SPTBN1: variants seen among roughly 807,000 people sequenced by gnomAD.
The protein encoded by SPTBN1 is spectrin beta chain, non-erythrocytic 1.
SPTBN1 carries 32 observed loss-of-function variants against 266.4 expected under a neutral mutation model. The ratio of observed to expected loss-of-function variants is 0.12; its 90% confidence interval spans 0.09 to 0.16. The LOEUF is 0.16. Ranked by LOEUF, SPTBN1 falls within the 10% of genes least tolerant of loss-of-function variation. The pLI, the probability that SPTBN1 is intolerant of heterozygous loss-of-function variation, is 1.00. For missense variants in SPTBN1, 2,296 were observed against 3,067.1 expected (o/e 0.75, Z 5.94); for synonymous variants, 1,336 against 1,162.2 (o/e 1.15, Z -3.04).
chr2:54,474,358 G>T (rs987730970), intron 1 of SPTBN1, among the ~76,000 whole-genome samples: 8 of 150,650 alleles, frequency 5.3e-5, no homozygotes, highest in Non-Finnish European at 4.4e-5. Flanking sequence ...ACAGTGTGTA[G>T]TTAAAAGTGC....
chr2:54,518,604 C>A (rs1268421397), intron 1 of SPTBN1, among the ~76,000 whole-genome samples: 1 of 152,096 alleles, frequency 6.6e-6, no homozygotes, highest in Non-Finnish European at 1.5e-5. Context: ...GATAGCATAC[C>A]AGCATCCAGT....
At chr2:54,562,533 C>CTTTTTTTCTTTTTTTTTTTTTTTTTTTTT (rs746897447) in intron 2 of SPTBN1, among the ~76,000 whole-genome samples, 34 of 126,810 alleles carry the variant, frequency 2.7e-4, no homozygotes, top group East Asian at 4.2e-4. Flanking sequence ...TTTTCTTTTT[C>CTTTTTTTCTTTTTTTTTTTTTTTTTTTTT]TTTTTTTTTT....
intron 1 of SPTBN1, among the ~76,000 whole-genome samples, chr2:54,461,796 C>A (rs955287268): frequency 3.9e-5 from 6 of 152,186 alleles, no homozygotes; most frequent in African/African-American, 1.4e-4. Context: ...ATGTAGATTA[C>A]TACTAATCCT....
intron 18 of SPTBN1, among the ~76,000 whole-genome samples, chr2:54,641,032 G>C (rs924059788): frequency 2.6e-5 from 4 of 152,208 alleles, no homozygotes; most frequent in Non-Finnish European, 4.4e-5. Context: ...TTTACTGTTA[G>C]CTTGATTCAA....
intron 2 of SPTBN1, among the ~76,000 whole-genome samples, chr2:54,531,505 C>T: frequency 6.6e-6 from 1 of 152,046 alleles, no homozygotes; most frequent in East Asian, 1.9e-4. Flanking sequence ...CTAACTACAG[C>T]CTTGAATTCC....
Position 54,628,008 on chromosome 2 carries a change from T to C in SPTBN1, c.1645-89T>C. 6.8e-7 allele frequency: 1 copy of C among 1,475,254 alleles called. No individual in the cohort carries two copies. Among genetic ancestry groups the C allele is most frequent in the Non-Finnish European group, 9.1e-7 (1 of 1,096,764 alleles). The allele number at this position is 1,475,254 out of a possible 1,614,324, so 91.4% of individuals were successfully genotyped here. ...AGACTAGAGGGAAGGCATAGCTTCA[T>C]TGCTGGCTCTCTGCTTGTCGAAAGA... On this transcript the variant is annotated intron_variant, in intron 12 of 35. Coordinates refer to ENST00000356805, the MANE Select transcript of SPTBN1 (RefSeq NM_003128.3). The surrounding 1 kb of genome is among the most constrained non-coding windows in gnomAD (Gnocchi z 4.3).
chr2:54,539,901 T>C (rs560230518), intron 2 of SPTBN1, among the ~76,000 whole-genome samples: 1 of 152,316 alleles, frequency 6.6e-6, no homozygotes, highest in African/African-American at 2.4e-5. Flanking sequence ...CTCAAACTCA[T>C]ATGGTGAAAT....
chr2:54,478,559 C>T (rs928403982), intron 1 of SPTBN1, among the ~76,000 whole-genome samples: 13 of 152,140 alleles, frequency 8.5e-5, no homozygotes, highest in African/African-American at 1.2e-4. Flanking sequence ...GAGTCCAGAG[C>T]TCCGAGAGGC....
At chr2:54,509,676 G>T (rs1438232053) in intron 1 of SPTBN1, among the ~76,000 whole-genome samples, 1 of 152,300 alleles carries the variant, frequency 6.6e-6, no homozygotes, top group East Asian at 1.9e-4. Flanking sequence ...GAGTTTAATG[G>T]CACAGAAGGC....
Position 54,558,795 on chromosome 2 carries a change from C to G in SPTBN1, c.148+32229C>G. ...CCGGGCATAATGGAATTGCAGAGGA[C>G]GTCTAGTATCTCCGGGCCGCTGTCG... On this transcript the variant is annotated intron_variant, in intron 2 of 35. Coordinates refer to ENST00000356805, the MANE Select transcript of SPTBN1 (RefSeq NM_003128.3). This position sits in a 1 kb window ranked among gnomAD's most constrained non-coding sequence, Gnocchi z 4.6. 6.2e-7 allele frequency: 1 copy of G among 1,613,546 alleles called. No homozygotes were observed. Among genetic ancestry groups the G allele is most frequent in the Non-Finnish European group, 8.5e-7 (1 of 1,179,686 alleles).
At chr2:54,508,306 A>G (rs563675179) in intron 1 of SPTBN1, among the ~76,000 whole-genome samples, 19 of 152,340 alleles carry the variant, frequency 1.2e-4, no homozygotes, top group African/African-American at 3.8e-4. Flanking sequence ...GTCTACCCAG[A>G]CCAAGAGGTA....
rs1491300403 is a variant in SPTBN1 at position 54,533,349 on chromosome 2, A to ATGT, written c.148+6783_148+6784insTGT. 2.1e-5 allele frequency among the ~76,000 whole-genome samples: 3 copies of ATGT among 141,884 alleles called. No homozygotes were observed. The highest frequency in any genetic ancestry group is 8.0e-5 in the African/African-American group (3 of 37,702). 93.1% of individuals were successfully genotyped at this position (141,884 alleles called of 152,430 possible). On this transcript the variant is annotated intron_variant, in intron 2 of 35. Coordinates refer to ENST00000356805, the MANE Select transcript of SPTBN1 (RefSeq NM_003128.3). The surrounding 1 kb of genome is among the most constrained non-coding windows in gnomAD (Gnocchi z 4.2). Reference sequence around the variant, plus strand: ...AGTGAAACCCAGGCTAAAGGGGACTAGTGTGTGTGTGTGTGTGTGTGTGTG... The same window carrying ATGT: ...AGTGAAACCCAGGCTAAAGGGGACTATGTGTGTGTGTGTGTGTGTGTGTGTGTG...
chr2:54,630,086 G>C, intron 15 of SPTBN1, 57 bp downstream of exon 15: 1 of 1,580,116 alleles, frequency 6.3e-7, no homozygotes, highest in Non-Finnish European at 8.6e-7. Flanking sequence ...GGGAGGGTGA[G>C]GTCACTCATC....
intron 1 of SPTBN1, among the ~76,000 whole-genome samples, chr2:54,484,000 G>A (rs1269945742): frequency 1.3e-5 from 2 of 152,236 alleles, no homozygotes; most frequent in East Asian, 3.9e-4. Flanking sequence ...TTCGAGACCA[G>A]CCTGGGAAAC....
chr2:54,573,403 T>C (rs983023720), intron 2 of SPTBN1, among the ~76,000 whole-genome samples: 1 of 152,182 alleles, frequency 6.6e-6, no homozygotes, highest in Non-Finnish European at 1.5e-5. Context: ...AGGGTTTGGC[T>C]CCTGTGAGAA....
intron 16 of SPTBN1, 142 bp from the exon 17 acceptor site, chr2:54,632,423 TA>T (rs2103949496): frequency 1.1e-6 from 1 of 951,312 alleles, no homozygotes; most frequent in Non-Finnish European, 1.5e-6. Flanking sequence ...TTTTTCCTCC[TA>T]ACTTTTAATT....
chr2:54,591,674 C>G (rs1245224125), intron 2 of SPTBN1, among the ~76,000 whole-genome samples: 1 of 152,170 alleles, frequency 6.6e-6, no homozygotes, highest in Non-Finnish European at 1.5e-5. Context: ...ATTCCTGGCT[C>G]CCATCCCTTT....
chr2:54,670,952 T>C lies in SPTBN1; in HGVS notation c.*2383T>C. On this transcript the variant is annotated 3_prime_UTR_variant, in exon 36 of 36. Coordinates refer to ENST00000356805, the MANE Select transcript of SPTBN1 (RefSeq NM_003128.3). ...CCTGGCAGGGTAAATAGTTTTTGGG[T>C]TTTTTGTTTTTTTTTTATTCTTCCA... The C allele has an allele frequency of 2.5e-6, 1 of 396,388 alleles. No individual in the cohort carries two copies. The allele number at this position is 396,388 out of a possible 1,614,324, so 24.6% of individuals were successfully genotyped here.
At chr2:54,508,488 G>A (rs1376067704) in intron 1 of SPTBN1, among the ~76,000 whole-genome samples, 2 of 152,128 alleles carry the variant, frequency 1.3e-5, no homozygotes, top group Admixed American at 6.5e-5. Context: ...AGATTTTTGC[G>A]ATGGAAAGGA....
Sources: allele counts gnomAD v4.1 joint callset (sites outside exome capture counted in the v4.1 genomes callset), GRCh38; gene constraint gnomAD v4.1.1; non-coding constraint Gnocchi (gnomAD v3.1); transcripts MANE v1.5; gene names NCBI Gene and HGNC (gene_info 2026-07-23, HGNC 2026-07-21).